The following ANKRD24 variants were observed in gnomAD, a reference collection of about 807,000 sequenced individuals.
ANKRD24 encodes ankyrin repeat domain 24, also known as ankyrin repeat domain-containing protein 24.
In ANKRD24, 109 loss-of-function variants were observed where a neutral mutation model predicts 127.8. That is an observed-to-expected ratio of 0.85 (90% CI 0.73 to 1.00). The LOEUF (loss-of-function observed/expected upper bound fraction) is 1.00, where lower values mean the gene tolerates loss of function less well. ANKRD24 is among the 50% of genes least tolerant of loss of function. The pLI is 0.00. For synonymous variants in ANKRD24, 743 were observed against 671.1 expected (o/e 1.11, Z -1.66); for missense variants, 1,648 against 1,570.2 (o/e 1.05, Z -0.84).
rs1044243440 is a variant in ANKRD24 at position 4,199,738 on chromosome 19, T to C, written c.92T>C (p.Ile31Thr). The change falls in exon 3 of 22, where the codon ATC (isoleucine) becomes ACC (threonine). Residue 31 changes from isoleucine to threonine, a missense_variant. Transcript: ENST00000318934. This position sits in a 1 kb window ranked among gnomAD's most constrained non-coding sequence, Gnocchi z 5.2. ...TGCCCGCCCTGCGGCCCCTGCCCCATCCCGAAGCCGGCAGCCAGAGGCAGG... is the reference window on the plus strand; with the variant it reads ...TGCCCGCCCTGCGGCCCCTGCCCCACCCCGAAGCCGGCAGCCAGAGGCAGG... ...GSCPPCGPCP[I>T]PKPAARGRRQ... 2.7e-4 allele frequency: 420 copies of C among 1,537,926 alleles called. No homozygotes were observed. The highest frequency in any genetic ancestry group is 6.3e-4 in the Admixed American group (32 of 50,706).
At position 4,217,945 on chromosome 19, in the gene ANKRD24, C is replaced by A. The variant is rs1402846479; in HGVS notation, c.2785C>A (p.Leu929Met). ...HRRLQEEALE[L>M]RGRAASLEQE... ...CCGGCTGCAGGAGGAGGCCCTGGAG[C>A]TGCGGGGCCGGGCAGCCAGTCTGGA... Residue 929 changes from leucine to methionine, a missense_variant, in exon 18 of 22, where the codon CTG becomes ATG. Physicochemically the swap from Leu to Met is conservative, Grantham distance 15 (BLOSUM62 2). Transcript: ENST00000318934. The A allele has an allele frequency of 6.6e-7, 1 of 1,506,520 alleles. No homozygotes were observed. The highest frequency in any genetic ancestry group is 2.7e-5 in the East Asian group (1 of 37,648). The allele number at this position is 1,506,520 out of a possible 1,614,324, so 93.3% of individuals were successfully genotyped here.
chr19:4,207,816 C>T lies in ANKRD24; in HGVS notation c.680C>T (p.Pro227Leu), dbSNP rs778777281. ...ATGCTGGCCTGTGAGGGGGCCAGCC[C>T]CGAAACAGTGGAGGTCCTGCTGCAG... ...ALMLACEGASPETVEVLLQGG... is the reference protein window; with the variant it reads ...ALMLACEGASLETVEVLLQGG... Residue 227 changes from proline to leucine, a missense_variant, in exon 10 of 22, where the codon CCC becomes CTC. Transcript: ENST00000318934. 1 of 1,575,712 alleles carries T rather than the reference C, an allele frequency of 6.3e-7. No individual in the cohort carries two copies. Among genetic ancestry groups the T allele is most frequent in the Non-Finnish European group, 8.6e-7 (1 of 1,161,624 alleles).
chr19:4,204,550 G>A (rs915400147), intron 7 of ANKRD24, among the ~76,000 whole-genome samples: 1 of 152,128 alleles, frequency 6.6e-6, no homozygotes, highest in African/African-American at 2.4e-5. Flanking sequence ...GCTCCAGGCA[G>A]CTGGTACCCT....
intron 2 of ANKRD24, among the ~76,000 whole-genome samples, chr19:4,196,643 G>C (rs932133068): frequency 6.6e-5 from 10 of 152,122 alleles, no homozygotes; most frequent in Non-Finnish European, 1.2e-4. Context: ...CCAAAGTTTT[G>C]GGATTACAGG....
intron 7 of ANKRD24, among the ~76,000 whole-genome samples, chr19:4,206,217 G>A (rs537247836): frequency 1.3e-3 from 197 of 148,644 alleles, no homozygotes; most frequent in Non-Finnish European, 2.1e-3. Flanking sequence ...AAACGGGGCC[G>A]GGCATGGTGG....
chr19:4,211,549 CAGG>C (rs1325154719), intron 13 of ANKRD24, among the ~76,000 whole-genome samples: 1 of 152,062 alleles, frequency 6.6e-6, no homozygotes, highest in African/African-American at 2.4e-5. Flanking sequence ...GAGGCTGAGG[CAGG>C]AGAATTGCTT....
intron 2 of ANKRD24, among the ~76,000 whole-genome samples, chr19:4,194,765 G>A (rs1968601018): frequency 6.6e-6 from 1 of 152,196 alleles, no homozygotes; most frequent in Non-Finnish European, 1.5e-5. Context: ...CTGCAGTGAT[G>A]GGGCTAGACT....
chr19:4,208,918 A>G (rs1209097813), intron 11 of ANKRD24, 117 bp downstream of exon 11: 8 of 1,129,372 alleles, frequency 7.1e-6, no homozygotes, highest in Non-Finnish European at 1.0e-5. Context: ...CTGTTTGGAA[A>G]GAATGCTACC....
In ANKRD24 at chr19:4,217,291, C is replaced by T; in HGVS notation, c.2131C>T (p.His711Tyr). Residue 711 changes from histidine to tyrosine, a missense_variant, in exon 18 of 22, where the codon CAT becomes TAT. His to Tyr is a moderately conservative substitution (Grantham distance 83). Transcript: ENST00000318934. Reference sequence around the variant, plus strand: ...GGGGATCTCTGCTGGCCCCATCCTACATCCTGGTGCCGCAGAGGCCTCGGA... The same window carrying T: ...GGGGATCTCTGCTGGCCCCATCCTATATCCTGGTGCCGCAGAGGCCTCGGA... ...VPGISAGPILHPGAAEASEKL... is the reference protein window; with the variant it reads ...VPGISAGPILYPGAAEASEKL... The T allele has an allele frequency of 1.3e-6, 2 of 1,556,436 alleles. No homozygotes were observed. The highest frequency in any genetic ancestry group is 1.2e-5 in the South Asian group (1 of 84,514).
At position 4,198,837 on chromosome 19, in the gene ANKRD24, G is replaced by A. The variant is rs148334805; in HGVS notation, c.37-846G>A. Among the ~76,000 whole-genome samples the A allele has an allele frequency of 1.9e-3, 297 of 152,310 alleles. 1 individual carries two copies. The highest frequency in any genetic ancestry group is 6.8e-3 in the African/African-American group (282 of 41,570). On this transcript the variant is annotated intron_variant, in intron 2 of 21. Transcript: ENST00000318934. The surrounding 1 kb of genome is among the most constrained non-coding windows in gnomAD (Gnocchi z 6.1). ...TTTTGGAGACAGATGGGGTCATTGA[G>A]GGGACAACTTGGAAGCTATTTTGGG...
chr19:4,189,475 C>A (rs4806974), intron 2 of ANKRD24, among the ~76,000 whole-genome samples: 39,450 of 151,238 alleles, frequency 0.26, 5,312 homozygotes, highest in East Asian at 0.36. Context: ...TGGTCTCAAA[C>A]TCCTGACTTC....
At chr19:4,214,575 C>T (rs994011230) in intron 15 of ANKRD24, among the ~76,000 whole-genome samples, 20 of 152,044 alleles carry the variant, frequency 1.3e-4, no homozygotes, top group African/African-American at 3.4e-4. Flanking sequence ...AGCATGAAGC[C>T]GGAAACGGTG....
rs143244125 is a variant in ANKRD24 at position 4,207,219 on chromosome 19, G to A, written c.467-23G>A. 988 of 1,611,506 alleles carry A rather than the reference G, an allele frequency of 6.1e-4. 2 individuals are homozygous for A. In the African/African-American group the frequency reaches 9.5e-3, roughly 16 times the overall value. ...GATTACAGGGTTGAGCTACCGCACC[G>A]GACAACCTTTTCTCTTTTGCAGCGG... is the stretch of plus-strand genomic sequence containing the variant. On this transcript the variant is annotated intron_variant, in intron 7 of 21. Transcript: ENST00000318934.
Position 4,196,372 on chromosome 19 carries a change from T to G in ANKRD24, c.37-3311T>G, listed in dbSNP as rs187088441. Among the ~76,000 whole-genome samples, 9 of 152,048 alleles carry G rather than the reference T, an allele frequency of 5.9e-5. No individual in the cohort carries two copies. The East Asian group carries it at 1.7e-3, about 29-fold the overall frequency. On this transcript the variant is annotated intron_variant, in intron 2 of 21. Coordinates refer to ENST00000318934, the MANE Select transcript of ANKRD24 (RefSeq NM_001393985.1). Reference sequence around the variant, plus strand: ...TTGTTGTTGTTTTAGTTTGTTTGTTTTTGTTGTTGTTTATTTGTTTTGCAG... The same window carrying G: ...TTGTTGTTGTTTTAGTTTGTTTGTTGTTGTTGTTGTTTATTTGTTTTGCAG...
intron 7 of ANKRD24, among the ~76,000 whole-genome samples, chr19:4,206,809 A>G (rs1969411714): frequency 6.6e-6 from 1 of 152,198 alleles, no homozygotes; most frequent in African/African-American, 2.4e-5. Context: ...GGAATTTCTC[A>G]TGAAATAAAG....
rs141724402 is a variant in ANKRD24 at position 4,184,751 on chromosome 19, C to T, written c.-36-1639C>T. Among the ~76,000 whole-genome samples the T allele has an allele frequency of 9.5e-4, 144 of 151,862 alleles. 1 individual carries two copies. Among genetic ancestry groups the T allele is most frequent in the African/African-American group, 3.2e-3 (133 of 41,366 alleles). On this transcript the variant is annotated intron_variant, in intron 1 of 21. Transcript: ENST00000318934. ...GGGTAGGTAGTGAGTGAATGGGCAC[C>T]GGTGGAGGGGTAGATGAATGGATGG...
Position 4,219,642 on chromosome 19 carries a change from C to T in ANKRD24, c.3055C>T (p.Gln1019Ter). The change falls in exon 19 of 22, where the codon CAG becomes TAG. Residue 1019 changes from glutamine to a stop codon, truncating the protein, a stop_gained. Coordinates refer to ENST00000318934, the MANE Select transcript of ANKRD24 (RefSeq NM_001393985.1). LOFTEE classifies it high-confidence loss of function. ...GAGTGAGCGACACGCAGCCGAGGCA[C>T]AGCTGGCCACAGCAGAGCAGCAGCT... ...MKSERHAAEA[Q>*]LATAEQQLRG... 1.2e-6 allele frequency: 2 copies of T among 1,613,834 alleles called. No homozygotes were observed. Among genetic ancestry groups the T allele is most frequent in the Non-Finnish European group, 8.5e-7 (1 of 1,179,770 alleles).
chr19:4,222,044 C>G (rs1426885843), intron 19 of ANKRD24, among the ~76,000 whole-genome samples: 1 of 152,194 alleles, frequency 6.6e-6, no homozygotes, highest in African/African-American at 2.4e-5. Flanking sequence ...CTACTGTTGA[C>G]TAGGCACAGT....
At position 4,218,006 on chromosome 19, in the gene ANKRD24, G is replaced by A. The variant is rs1164733684; in HGVS notation, c.2846G>A (p.Arg949Gln). ...EVVATGKEAA[R>Q]LRAELERERV... is the part of the protein sequence containing the mutation. ...GTGGCCACGGGCAAGGAGGCCGCCCGGCTGCGCGCGGAGCTGGAGCGGGAG... is the reference window on the plus strand; with the variant it reads ...GTGGCCACGGGCAAGGAGGCCGCCCAGCTGCGCGCGGAGCTGGAGCGGGAG... The change falls in exon 18 of 22, where the codon CGG becomes CAG. Residue 949 changes from arginine to glutamine, a missense_variant. Transcript: ENST00000318934. The A allele has an allele frequency of 8.4e-6, 13 of 1,541,538 alleles. No homozygotes were observed. Among genetic ancestry groups the A allele is most frequent in the East Asian group, 2.5e-5 (1 of 39,756 alleles).
Sources: allele counts gnomAD v4.1 joint callset (sites outside exome capture counted in the v4.1 genomes callset), GRCh38; gene constraint gnomAD v4.1.1; non-coding constraint Gnocchi (gnomAD v3.1); transcripts MANE v1.5; gene names NCBI Gene and HGNC (gene_info 2026-07-23, HGNC 2026-07-21).